The following CCDC194 variants were observed in gnomAD, a reference collection of about 807,000 sequenced individuals.
CCDC194 encodes coiled-coil domain containing 194.
In CCDC194, 8 loss-of-function variants were observed where a neutral mutation model predicts 4.9. The observed-to-expected ratio is 1.65, with a 90% confidence interval of 0.97 to 2.97. The LOEUF is 2.97. CCDC194 is among the 30% of genes most tolerant of loss of function. The probability of loss-of-function intolerance (pLI) is 0.00; values close to 1 mark genes in which losing one functional copy is unlikely to be tolerated. For synonymous variants in CCDC194, 13 were observed against 17.0 expected (o/e 0.76, Z 0.58); for missense variants, 52 against 43.1 (o/e 1.21, Z -0.58).
rs1233273290 is a variant in CCDC194, at chr19:17,390,676, AG to A, written c.555-18del. ...AGGACGTTACTGCCGGGAAGGGGGA[AG>A]GGGGCTGTCAGCCTCTGGACCCCTG... On this transcript the variant is annotated intron_variant, in intron 3 of 3. Coordinates refer to ENST00000636079, the Ensembl canonical transcript of CCDC194. This position sits in a 1 kb window ranked among gnomAD's most constrained non-coding sequence, Gnocchi z 5.5. 5.0e-6 allele frequency: 2 copies of A among 397,532 alleles called. No individual in the cohort carries two copies. The highest frequency in any genetic ancestry group is 3.6e-5 in the East Asian group (1 of 28,032). The allele number at this position is 397,532 out of a possible 1,614,324, so 24.6% of individuals were successfully genotyped here.
chr19:17,393,214 C>T (rs1388713518), intron 1 of CCDC194, among the ~76,000 whole-genome samples: 14 of 152,096 alleles, frequency 9.2e-5, no homozygotes. Flanking sequence ...AAGAGGCCAA[C>T]TTTAGCCTCC....
chr19:17,393,804 C>T, intron 1 of CCDC194, 31 bp downstream of exon 1: 1 of 395,164 alleles, frequency 2.5e-6, no homozygotes, highest in Admixed American at 4.4e-5. Flanking sequence ...ATTCTGGATT[C>T]CCGAGCTCCC....
chr19:17,391,495 C>T (rs75793747), intron 2 of CCDC194, 152 bp from the exon 3 acceptor site: 13,766 of 757,522 alleles, frequency 0.018, 163 homozygotes, highest in African/African-American at 0.034. Context: ...TTCCACGTGC[C>T]ATTTGCATAG....
At chr19:17,388,178 C>T (rs1177302470), downstream of CCDC194, among the ~76,000 whole-genome samples, 6 of 147,688 alleles carry the variant, frequency 4.1e-5, no homozygotes, top group East Asian at 4.0e-4. Flanking sequence ...GAGCCACCCC[C>T]GGGCTCTTTT....
At chr19:17,388,524 G>A (rs1034870577), downstream of CCDC194, among the ~76,000 whole-genome samples, 3 of 149,078 alleles carry the variant, frequency 2.0e-5, no homozygotes, top group Non-Finnish European at 4.5e-5. Context: ...CTCAGTCTCC[G>A]AAGTAGATGG....
Position 17,390,919 on chromosome 19 carries a change from T to C in CCDC194, c.555-260A>G, listed in dbSNP as rs1198545905. On this transcript the variant is annotated intron_variant, in intron 3 of 3. Coordinates refer to ENST00000636079, the Ensembl canonical transcript of CCDC194. The surrounding 1 kb of genome is among the most constrained non-coding windows in gnomAD (Gnocchi z 5.5). ...CCTCTCCCTCGATACTCCCTTTTCC[T>C]TGCTCCCTTCTCTTCCGTTCCCCGT... 6.6e-6 allele frequency among the ~76,000 whole-genome samples: 1 copy of C among 151,794 alleles called. No individual in the cohort carries two copies. Among genetic ancestry groups the C allele is most frequent in the Non-Finnish European group, 1.5e-5 (1 of 67,950 alleles).
Position 17,393,376 on chromosome 19 carries a change from CTTTTTTT to C in CCDC194, c.324+452_324+458del, listed in dbSNP as rs551933814. 3.6e-4 allele frequency among the ~76,000 whole-genome samples: 42 copies of C among 115,424 alleles called. 1 individual carries two copies. The highest frequency in any genetic ancestry group is 2.4e-3 in the South Asian group (9 of 3,740). 75.7% of individuals were successfully genotyped at this position (115,424 alleles called of 152,430 possible). A position where few individuals can be genotyped will look rare whatever the true frequency, so the allele number is the denominator to read the frequency against. ...TGGCAAATAGCAAAGGACAGTGAGA[CTTTTTTT>C]TTTTTTTTTTTTTTTTTTTTTTTCA... On this transcript the variant is annotated intron_variant, in intron 1 of 3. Transcript: ENST00000636079.
chr19:17,390,976 T>G lies in CCDC194; in HGVS notation c.554+235A>C, dbSNP rs978436887. ...CGGGGCTCCCACCGACGCTGGATCC[T>G]GGGGACCTAAGTTTCTAGAATGCCC... On this transcript the variant is annotated intron_variant, in intron 3 of 3. Coordinates refer to ENST00000636079, the Ensembl canonical transcript of CCDC194. The surrounding 1 kb of genome is among the most constrained non-coding windows in gnomAD (Gnocchi z 5.5). Among the ~76,000 whole-genome samples, 5 of 152,064 alleles carry G rather than the reference T, an allele frequency of 3.3e-5. No individual in the cohort carries two copies. The highest frequency in any genetic ancestry group is 5.9e-5 in the Non-Finnish European group (4 of 67,992).
intron 1 of CCDC194, chr19:17,392,135 G>A (rs2074656999): frequency 7.1e-6 from 2 of 281,048 alleles, no homozygotes; most frequent in Non-Finnish European, 1.3e-5. Flanking sequence ...TCAGATTCAA[G>A]TTCCACTTTC....
chr19:17,390,181 G>T (rs943715493), downstream of CCDC194, among the ~76,000 whole-genome samples: 5 of 152,106 alleles, frequency 3.3e-5, no homozygotes, highest in Admixed American at 3.3e-4. The surrounding 1 kb of genome is among the most constrained non-coding windows in gnomAD (Gnocchi z 5.5). Flanking sequence ...ACCCTTTCCG[G>T]TTTTTCCTGA....
At chr19:17,393,738 C>A (rs1442804891) in intron 1 of CCDC194, 97 bp downstream of exon 1, 2 of 390,502 alleles carry the variant, frequency 5.1e-6, no homozygotes, top group Non-Finnish European at 4.5e-6. Context: ...CTGGGGAAAC[C>A]GAGGCACAGG....
intron 1 of CCDC194, among the ~76,000 whole-genome samples, chr19:17,393,010 G>A (rs1225701741): frequency 6.6e-6 from 1 of 152,172 alleles, no homozygotes; most frequent in African/African-American, 2.4e-5. Flanking sequence ...TTCAGATGCT[G>A]CACTACCTCG....
intron 2 of CCDC194, 124 bp from the exon 3 acceptor site, chr19:17,391,467 T>G (rs1251408713): frequency 1.6e-6 from 1 of 628,968 alleles, no homozygotes; most frequent in Non-Finnish European, 2.7e-6. Context: ...ATTAAATTAG[T>G]GTGTACCATT....
downstream of CCDC194, among the ~76,000 whole-genome samples, chr19:17,388,827 A>G (rs567254859): frequency 2.6e-5 from 4 of 151,454 alleles, no homozygotes; most frequent in Non-Finnish European, 4.4e-5. Context: ...ATTTTTTTAT[A>G]GCTTTAATTT....
chr19:17,388,817 A>C (rs2074644606), downstream of CCDC194, among the ~76,000 whole-genome samples: 1 of 150,866 alleles, frequency 6.6e-6, no homozygotes. Context: ...TTTCTTAATA[A>C]TTTTTTTATA....
At position 17,390,852 on chromosome 19, in the gene CCDC194, C is replaced by T. The variant is rs73515985; in HGVS notation, c.555-193G>A. ...CATTCCCGGGACGCCTCCCTAGAGA[C>T]TCCCAGCTACATCCCCAGAAGCTCT... On this transcript the variant is annotated intron_variant, in intron 3 of 3. Transcript: ENST00000636079. The surrounding 1 kb of genome is among the most constrained non-coding windows in gnomAD (Gnocchi z 5.5). Among the ~76,000 whole-genome samples the T allele has an allele frequency of 7.8e-3, 1,186 of 152,094 alleles. 10 individuals are homozygous for T. Among genetic ancestry groups the T allele is most frequent in the African/African-American group, 0.027 (1,135 of 41,502 alleles).
chr19:17,388,473 C>T (rs1001819723), downstream of CCDC194, among the ~76,000 whole-genome samples: 18 of 151,942 alleles, frequency 1.2e-4, no homozygotes, highest in Non-Finnish European at 2.1e-4. Flanking sequence ...GATCTTGGCT[C>T]ACTGCAGCCT....
Position 17,391,345 on chromosome 19 carries a change from T to C in CCDC194, c.422-2A>G, listed in dbSNP as rs1259350492. The stretch of plus-strand genomic sequence containing the variant: ...CCGCCTCCCAGCGCGCCAGGGCCTC[T>C]GGGGGCGCAGGGAGCCGGGTCAGGC... On this transcript the variant is annotated splice_acceptor_variant, in intron 2 of 3. Coordinates refer to ENST00000636079, the Ensembl canonical transcript of CCDC194. LOFTEE classifies it high-confidence loss of function. 8 of 448,384 alleles carry C rather than the reference T, an allele frequency of 1.8e-5. No homozygotes were observed. The highest frequency in any genetic ancestry group is 2.7e-5 in the Non-Finnish European group (7 of 257,076). 27.8% of individuals were successfully genotyped at this position (448,384 alleles called of 1,614,324 possible).
chr19:17,387,633 G>A (rs1057184751), downstream of CCDC194, among the ~76,000 whole-genome samples: 1 of 151,990 alleles, frequency 6.6e-6, no homozygotes, highest in Non-Finnish European at 1.5e-5. Flanking sequence ...CAAGAGAATC[G>A]TTTGAACCCG....
Sources: gnomAD v4.1 joint callset for allele counts (sites outside exome capture counted in the v4.1 genomes callset) on GRCh38, gnomAD v4.1.1 for gene constraint, Gnocchi (gnomAD v3.1) non-coding constraint, MANE v1.5 for transcripts, NCBI Gene and HGNC (gene_info 2026-07-23, HGNC 2026-07-21) for gene names.